CCSER1: variants seen among roughly 807,000 people sequenced by gnomAD.
The protein encoded by CCSER1 is serine-rich coiled-coil domain-containing protein 1.
A neutral mutation model predicts 82.0 loss-of-function variants in CCSER1; 41 were observed. The observed-to-expected ratio is 0.50, with a 90% CI of 0.39 to 0.65. CCSER1 has a LOEUF of 0.65. CCSER1 is among the 30% of genes least tolerant of loss of function. CCSER1 has a pLI of 0.00. For synonymous variants in CCSER1, 414 were observed against 383.9 expected (o/e 1.08, Z -0.92); for missense variants, 1,119 against 1,064.2 (o/e 1.05, Z -0.72).
intron 10 of CCSER1, among the ~76,000 whole-genome samples, chr4:91,251,552 C>CAT (rs564285057): frequency 1.8e-4 from 28 of 151,858 alleles, no homozygotes; most frequent in Non-Finnish European, 2.4e-4. Flanking sequence ...AGTTATCTGG[C>CAT]ATATATATAT....
At chr4:91,203,738 T>C (rs563927522) in intron 10 of CCSER1, among the ~76,000 whole-genome samples, 1 of 151,840 alleles carries the variant, frequency 6.6e-6, no homozygotes, top group African/African-American at 2.4e-5. Flanking sequence ...AGAAACCTGA[T>C]GAAAATGTAG....
intron 10 of CCSER1, among the ~76,000 whole-genome samples, chr4:91,192,204 C>T (rs1581744886): frequency 6.6e-6 from 1 of 151,976 alleles, no homozygotes; most frequent in South Asian, 2.1e-4. Flanking sequence ...CCCACTTTTC[C>T]CCCCATGGAC....
At chr4:90,612,161 A>C (rs926001954) in intron 5 of CCSER1, among the ~76,000 whole-genome samples, 2 of 152,248 alleles carry the variant, frequency 1.3e-5, no homozygotes, top group East Asian at 3.9e-4. Flanking sequence ...AAAAAAATAA[A>C]CTATTTAGTT....
chr4:90,458,591 G>A (rs1762483228), intron 4 of CCSER1, among the ~76,000 whole-genome samples: 1 of 151,898 alleles, frequency 6.6e-6, no homozygotes, highest in African/African-American at 2.4e-5. Context: ...CTGACCTCAG[G>A]TGATCCACCC....
intron 10 of CCSER1, among the ~76,000 whole-genome samples, chr4:91,434,967 C>T (rs10516896): frequency 0.097 from 14,686 of 152,050 alleles, 804 homozygotes; most frequent in Non-Finnish European, 0.12. Context: ...CTAACATGGC[C>T]GTAGAGTTCT....
chr4:91,492,632 C>A (rs769943984), intron 10 of CCSER1, among the ~76,000 whole-genome samples: 2 of 152,054 alleles, frequency 1.3e-5, no homozygotes, highest in African/African-American at 4.8e-5. Context: ...TTATAAGAAG[C>A]AGCACATTAT....
chr4:91,330,019 T>C (rs1746836508), intron 10 of CCSER1, among the ~76,000 whole-genome samples: 1 of 152,142 alleles, frequency 6.6e-6, no homozygotes, highest in Non-Finnish European at 1.5e-5. Flanking sequence ...TTTGGGTTTA[T>C]TCTTCTGTTT....
intron 10 of CCSER1, among the ~76,000 whole-genome samples, chr4:91,230,104 A>G (rs180934418): frequency 1.3e-5 from 2 of 152,268 alleles, no homozygotes; most frequent in East Asian, 3.9e-4. Flanking sequence ...TTGCTATGAG[A>G]TGAAACAAAA....
intron 10 of CCSER1, among the ~76,000 whole-genome samples, chr4:91,534,713 T>A (rs961122993): frequency 5.9e-5 from 9 of 152,006 alleles, no homozygotes; most frequent in African/African-American, 1.9e-4. Flanking sequence ...TTATGTGTGA[T>A]TGACATATCT....
chr4:90,437,269 A>G (rs930251484), intron 4 of CCSER1, among the ~76,000 whole-genome samples: 3 of 149,344 alleles, frequency 2.0e-5, no homozygotes, highest in Non-Finnish European at 2.9e-5. Flanking sequence ...ACATGCACAC[A>G]TGCGCGCGCA....
At chr4:90,370,237 A>C (rs1747143497) in intron 3 of CCSER1, 1 of 152,074 alleles carries the variant, frequency 6.6e-6, no homozygotes, top group South Asian at 2.1e-4. Flanking sequence ...CATGCTGGGC[A>C]TTCCACGTCT....
At chr4:90,361,873 A>G (rs182735246) in intron 3 of CCSER1, among the ~76,000 whole-genome samples, 10 of 152,302 alleles carry the variant, frequency 6.6e-5, no homozygotes, top group Admixed American at 5.2e-4. Flanking sequence ...ACTATCTTCA[A>G]CTTCAAACTA....
intron 5 of CCSER1, among the ~76,000 whole-genome samples, chr4:90,560,786 C>CCATGGAGTTGT (rs1778675351): frequency 6.6e-6 from 1 of 152,068 alleles, no homozygotes; most frequent in African/African-American, 2.4e-5. Context: ...ACCTGATACT[C>CCATGGAGTTGT]TTTTCATGGA....
intron 10 of CCSER1, among the ~76,000 whole-genome samples, chr4:91,576,877 A>T (rs946214825): frequency 3.3e-5 from 5 of 151,970 alleles, no homozygotes; most frequent in Non-Finnish European, 4.4e-5. Flanking sequence ...TCAGCACACA[A>T]AGGTAACTAT....
At chr4:90,389,111 T>C (rs1337946133) in intron 3 of CCSER1, among the ~76,000 whole-genome samples, 1 of 152,218 alleles carries the variant, frequency 6.6e-6, no homozygotes, top group Non-Finnish European at 1.5e-5. Context: ...TAATTTTGCT[T>C]TGTGATTAAC....
intron 5 of CCSER1, among the ~76,000 whole-genome samples, chr4:90,494,179 T>G (rs1272432073): frequency 2.6e-5 from 4 of 152,164 alleles, no homozygotes; most frequent in African/African-American, 7.2e-5. Context: ...GGCCATTACA[T>G]AATGGTAAAG....
At chr4:90,284,238 G>A (rs975147195) in intron 1 of CCSER1, among the ~76,000 whole-genome samples, 9 of 151,862 alleles carry the variant, frequency 5.9e-5, no homozygotes, top group African/African-American at 1.9e-4. Flanking sequence ...TTGTCATATG[G>A]GTAGTTTGCA....
Position 90,923,276 on chromosome 4 carries a change from T to A in CCSER1, c.2095-94T>A, listed in dbSNP as rs1310558879. ...GCATATGCACAGAGAAGAACATGAATTATACACTAATCAAATTTTAATAAG... is the reference window on the plus strand; with the variant it reads ...GCATATGCACAGAGAAGAACATGAAATATACACTAATCAAATTTTAATAAG... On this transcript the variant is annotated intron_variant, in intron 8 of 10. Coordinates refer to ENST00000509176, the MANE Select transcript of CCSER1 (RefSeq NM_001145065.2). 4.6e-6 allele frequency: 4 copies of A among 862,634 alleles called. No individual in the cohort carries two copies. In the East Asian group the frequency reaches 1.1e-4, roughly 23 times the overall value. The allele number at this position is 862,634 out of a possible 1,614,324, so 53.4% of individuals were successfully genotyped here.
chr4:90,202,341 TA>T (rs1737887829), intron 1 of CCSER1, among the ~76,000 whole-genome samples: 1 of 152,084 alleles, frequency 6.6e-6, no homozygotes, highest in African/African-American at 2.4e-5. Context: ...TAGCTGGGAT[TA>T]CAGGCACCCG....
Sources: allele counts gnomAD v4.1 joint callset (sites outside exome capture counted in the v4.1 genomes callset), GRCh38; gene constraint gnomAD v4.1.1; transcripts MANE v1.5; gene names NCBI Gene and HGNC (gene_info 2026-07-23, HGNC 2026-07-21).